Variants in TRPM7 observed in about 807,000 individuals in gnomAD.
TRPM7 encodes transient receptor potential cation channel subfamily M member 7.
Under a neutral mutation model 229.7 loss-of-function variants are expected in TRPM7, and 134 were observed. The observed-to-expected ratio is 0.58, with a 90% CI of 0.51 to 0.67. TRPM7 has a LOEUF of 0.67. Ranked by LOEUF, TRPM7 falls within the 30% of genes least tolerant of loss-of-function variation. The pLI is 0.00. For missense variants in TRPM7, 1,901 were observed against 2,210.0 expected (o/e 0.86, Z 2.80); for synonymous variants, 699 against 715.2 (o/e 0.98, Z 0.36).
chr15:50,564,552 T>A (rs1213120371), intron 38 of TRPM7, among the ~76,000 whole-genome samples: 2 of 151,998 alleles, frequency 1.3e-5, no homozygotes, highest in Non-Finnish European at 1.5e-5. Context: ...TGTATGTTTT[T>A]ATTTTTTTAA....
intron 4 of TRPM7, among the ~76,000 whole-genome samples, chr15:50,643,765 G>A (rs1233792649): frequency 1.3e-5 from 2 of 152,050 alleles, no homozygotes. Flanking sequence ...CAGAAATAGC[G>A]AAACTAACTT....
intron 26 of TRPM7, among the ~76,000 whole-genome samples, chr15:50,590,283 A>G (rs978857157): frequency 1.3e-5 from 2 of 150,902 alleles, no homozygotes; most frequent in African/African-American, 2.4e-5. Context: ...ACTATTAATA[A>G]AAAAAAAAGC....
At chr15:50,660,931 G>GTATA (rs998549806) in intron 2 of TRPM7, among the ~76,000 whole-genome samples, 1 of 150,990 alleles carries the variant, frequency 6.6e-6, no homozygotes, top group African/African-American at 2.4e-5. Flanking sequence ...AGTAGAACAG[G>GTATA]TATATAAATT....
intron 1 of TRPM7, among the ~76,000 whole-genome samples, chr15:50,676,317 A>G (rs2062092808): frequency 6.6e-6 from 1 of 152,146 alleles, no homozygotes; most frequent in Admixed American, 6.5e-5. Context: ...TTTTTTAACA[A>G]ATACATTCTA....
chr15:50,604,609 G>A, intron 21 of TRPM7: 1 of 237,992 alleles, frequency 4.2e-6, no homozygotes, highest in Non-Finnish European at 8.0e-6. Flanking sequence ...GATCAGTGAA[G>A]ACAGGAAAAA....
At chr15:50,567,808 G>A (rs1459370220) in intron 38 of TRPM7, among the ~76,000 whole-genome samples, 1 of 152,062 alleles carries the variant, frequency 6.6e-6, no homozygotes, top group Non-Finnish European at 1.5e-5. Flanking sequence ...CAAGGAGTAG[G>A]CCGGGCACGG....
Position 50,583,169 on chromosome 15 carries a change from A to G in TRPM7, c.4487-10T>C, listed in dbSNP as rs747773634. 2 of 1,586,274 alleles carry G rather than the reference A, an allele frequency of 1.3e-6. No individual in the cohort carries two copies. The highest frequency in any genetic ancestry group is 1.7e-6 in the Non-Finnish European group (2 of 1,166,270). The stretch of plus-strand genomic sequence containing the variant: ...CTACTGATTTTTTCTGCTAAAAGAA[A>G]ATTAAAAAATATAAAAAAGCTACAC... On this transcript the variant is annotated splice_polypyrimidine_tract_variant and intron_variant, in intron 28 of 38. Coordinates refer to ENST00000646667, the MANE Select transcript of TRPM7 (RefSeq NM_017672.6).
chr15:50,561,604 C>A lies in TRPM7; in HGVS notation c.*74G>T. On this transcript the variant is annotated 3_prime_UTR_variant, in exon 39 of 39. Coordinates refer to ENST00000646667, the MANE Select transcript of TRPM7 (RefSeq NM_017672.6). The stretch of plus-strand genomic sequence containing the variant: ...ACCTTTCTATATTACCAAACAATTT[C>A]CTCCCGAGGGAAAAGTGACACAGTA... The A allele has an allele frequency of 6.4e-7, 1 of 1,567,218 alleles. No homozygotes were observed. The highest frequency in any genetic ancestry group is 1.2e-5 in the South Asian group (1 of 86,052).
chr15:50,667,006 G>T (rs1459809001), intron 1 of TRPM7, among the ~76,000 whole-genome samples: 2 of 152,056 alleles, frequency 1.3e-5, no homozygotes, highest in Non-Finnish European at 2.9e-5. Context: ...CAAGATCCAG[G>T]AACCTGTTCC....
chr15:50,593,670 T>A lies in TRPM7; in HGVS notation c.3555A>T (p.Lys1185Asn), dbSNP rs2059561343. 1.1e-5 allele frequency: 17 copies of A among 1,612,086 alleles called. No individual in the cohort carries two copies. Among genetic ancestry groups the A allele is most frequent in the Admixed American group, 1.7e-5 (1 of 59,864 alleles). Reference sequence around the variant, plus strand: ...CACTCCCAGAATGAAATTTGTCATCTTTTTCATTGAAATACATTTCAACAC... The same window carrying A: ...CACTCCCAGAATGAAATTTGTCATCATTTTCATTGAAATACATTTCAACAC... ...EQCVEMYFNE[K>N]DDKFHSGSEE... Residue 1185 changes from lysine to asparagine, a missense_variant, in exon 25 of 39, where the codon AAA (lysine) becomes AAT (asparagine). By Grantham distance (94) the Lys-to-Asn change is moderately conservative (BLOSUM62 0). Around this residue, in one of 8 missense-constraint regions of TRPM7, gnomAD observed 533 missense variants for 497.1 expected, o/e 1.07. Coordinates refer to ENST00000646667, the MANE Select transcript of TRPM7 (RefSeq NM_017672.6).
At chr15:50,673,987 G>T (rs1161270225) in intron 1 of TRPM7, among the ~76,000 whole-genome samples, 1 of 151,964 alleles carries the variant, frequency 6.6e-6, no homozygotes, top group Non-Finnish European at 1.5e-5. Flanking sequence ...ATTGCATTCT[G>T]GTTTTCTGTT....
chr15:50,585,076 A>G (rs1355121831), intron 28 of TRPM7, among the ~76,000 whole-genome samples: 1 of 104,374 alleles, frequency 9.6e-6, no homozygotes, highest in African/African-American at 4.3e-5. Flanking sequence ...TTTTTTTGAG[A>G]CGGAGTCTCG....
chr15:50,618,319 C>G, intron 13 of TRPM7, among the ~76,000 whole-genome samples: 1 of 151,886 alleles, frequency 6.6e-6, no homozygotes, highest in East Asian at 1.9e-4. Flanking sequence ...GCCTGTAATC[C>G]CAGCACTTTG....
At chr15:50,598,625 G>T (rs1019750241) in intron 22 of TRPM7, among the ~76,000 whole-genome samples, 2 of 152,178 alleles carry the variant, frequency 1.3e-5, no homozygotes, top group Admixed American at 6.6e-5. Context: ...AGATAGGCAG[G>T]CTGAAGCCAA....
intron 2 of TRPM7, among the ~76,000 whole-genome samples, 186 bp from the exon 3 acceptor site, chr15:50,658,005 ATTT>A (rs529961423): frequency 2.2e-5 from 3 of 139,292 alleles, no homozygotes; most frequent in Non-Finnish European, 3.1e-5. Flanking sequence ...GACAGTCTCA[ATTT>A]TTTTTTTTTT....
chr15:50,644,773 G>A (rs1054891954), intron 4 of TRPM7, among the ~76,000 whole-genome samples: 2 of 141,570 alleles, frequency 1.4e-5, no homozygotes, highest in African/African-American at 5.6e-5. Flanking sequence ...CTCCAGGCTG[G>A]GCAACAAGAG....
At chr15:50,663,322 G>A (rs573288499) in intron 1 of TRPM7, among the ~76,000 whole-genome samples, 3 of 152,228 alleles carry the variant, frequency 2.0e-5, no homozygotes, top group East Asian at 3.9e-4. Flanking sequence ...TAGAGATGGC[G>A]TTTCTCCATG....
chr15:50,581,793 T>A (rs937303282), intron 29 of TRPM7, among the ~76,000 whole-genome samples: 3 of 152,174 alleles, frequency 2.0e-5, no homozygotes, highest in African/African-American at 7.2e-5. Flanking sequence ...TCTTCAAATT[T>A]TGTCTACTCT....
At chr15:50,577,450 G>A (rs2054189595) in intron 31 of TRPM7, among the ~76,000 whole-genome samples, 1 of 152,124 alleles carries the variant, frequency 6.6e-6, no homozygotes, top group African/African-American at 2.4e-5. Context: ...GGGAGGCTGA[G>A]GCAGGAGAAC....
Sources: allele counts gnomAD v4.1 joint callset (sites outside exome capture counted in the v4.1 genomes callset), GRCh38; gene constraint gnomAD v4.1.1; regional missense constraint gnomAD v4.1.1; transcripts MANE v1.5; gene names NCBI Gene and HGNC (gene_info 2026-07-23, HGNC 2026-07-21).